The following LACTBL1 variants were observed in gnomAD, a reference collection of about 807,000 sequenced individuals.
LACTBL1 encodes beta-lactamase-like protein 1.
LACTBL1 carries 29 observed loss-of-function variants against 39.6 expected under a neutral mutation model. The ratio of observed to expected loss-of-function variants is 0.73; its 90% CI spans 0.55 to 1.00. LACTBL1 has a LOEUF of 1.00. Ranked by LOEUF, LACTBL1 falls within the 50% of genes least tolerant of loss-of-function variation. The pLI is 0.00. For missense variants in LACTBL1, 711 were observed against 748.5 expected (o/e 0.95, Z 0.59); for synonymous variants, 361 against 360.7 (o/e 1.00, Z -0.01).
In LACTBL1 at chr1:22,962,376, G is replaced by A. The variant is rs57551889; in HGVS notation, c.159+731C>T. Among the ~76,000 whole-genome samples, 37 of 152,052 alleles carry A rather than the reference G, an allele frequency of 2.4e-4. No individual in the cohort carries two copies. The East Asian group carries it at 5.2e-3, about 21-fold the overall frequency. On this transcript the variant is annotated intron_variant, in intron 2 of 5. Coordinates refer to ENST00000426928, the Ensembl canonical transcript of LACTBL1. ...TTTTGAGTCTCCCCCACCATGCTGCGGCTCATATTCTTCTGATCATGTTTC... is the reference window on the plus strand; with the variant it reads ...TTTTGAGTCTCCCCCACCATGCTGCAGCTCATATTCTTCTGATCATGTTTC...
At chr1:22,965,554 A>G (rs1570502909), upstream of LACTBL1, 1 of 331,940 alleles carries the variant, frequency 3.0e-6, no homozygotes, top group African/African-American at 2.2e-5. Context: ...CTTTGGATAA[A>G]TTTCACAGTT....
intron 1 of LACTBL1, 42 bp downstream of exon 3, chr1:22,965,248 A>AG: frequency 3.8e-6 from 5 of 1,300,504 alleles, no homozygotes; most frequent in African/African-American, 1.5e-5. Flanking sequence ...AGGAGGACCC[A>AG]GGGGGCTATG....
upstream of LACTBL1, among the ~76,000 whole-genome samples, chr1:22,966,385 A>G (rs1640876187): frequency 6.6e-6 from 1 of 152,164 alleles, no homozygotes; most frequent in African/African-American, 2.4e-5. Flanking sequence ...TCCCTTTCTC[A>G]AAGGCACATC....
chr1:22,959,860 C>G lies in LACTBL1; in HGVS notation c.317+82G>C, dbSNP rs1057409259. ...CAGATTAGACCCCAGCCATGATTCT[C>G]TTCAGTATCCTTACCTCCTAGGTCT... is the stretch of plus-strand genomic sequence containing the variant. On this transcript the variant is annotated intron_variant, in intron 3 of 5. Coordinates refer to ENST00000426928, the Ensembl canonical transcript of LACTBL1. 22 of 1,474,150 alleles carry G rather than the reference C, an allele frequency of 1.5e-5. No individual in the cohort carries two copies. In the South Asian group the frequency reaches 2.8e-4, roughly 19 times the overall value. 91.3% of individuals were successfully genotyped at this position (1,474,150 alleles called of 1,614,324 possible).
At chr1:22,960,180 T>C in intron 2 of LACTBL1, 81 bp from the exon 5 acceptor site, 3 of 1,494,104 alleles carry the variant, frequency 2.0e-6, no homozygotes, top group Non-Finnish European at 2.7e-6. Context: ...CCCTCGTCCA[T>C]AGTCACACCC....
exon 6 of LACTBL1, chr1:22,953,391 G>A: frequency 8.1e-7 from 1 of 1,228,174 alleles, no homozygotes; most frequent in Non-Finnish European, 1.0e-6. Flanking sequence ...AGGTGAAGTA[G>A]CCGGCGAAGG....
chr1:22,960,387 G>A (rs1466849751), intron 2 of LACTBL1, among the ~76,000 whole-genome samples: 3 of 152,162 alleles, frequency 2.0e-5, no homozygotes, highest in South Asian at 2.1e-4. Flanking sequence ...AAGCCAAGGC[G>A]GGCAGATCAC....
intron 4 of LACTBL1, among the ~76,000 whole-genome samples, chr1:22,958,083 C>T (rs936971418): frequency 6.6e-6 from 1 of 152,098 alleles, no homozygotes; most frequent in African/African-American, 2.4e-5. Context: ...ATTAGGTCTT[C>T]TGTGTAGAAT....
chr1:22,956,063 CAAAAAAAAAAAA>C (rs10582369), intron 4 of LACTBL1, among the ~76,000 whole-genome samples: 2 of 76,596 alleles, frequency 2.6e-5, no homozygotes, highest in African/African-American at 1.2e-4. Flanking sequence ...AACTCCATCT[CAAAAAAAAAAAA>C]AAAAAAAAGA....
exon 2 of LACTBL1, chr1:22,963,176 C>A: frequency 7.5e-7 from 1 of 1,333,004 alleles, no homozygotes; most frequent in Non-Finnish European, 9.6e-7. Flanking sequence ...GCCGGGGACA[C>A]ATCCTCACAG....
rs139051567 is a variant in LACTBL1 at position 22,955,221 on chromosome 1, C to G, written c.659+100G>C. 432 of 945,486 alleles carry G rather than the reference C, an allele frequency of 4.6e-4. 6 individuals are homozygous for G. In the African/African-American group the frequency reaches 6.1e-3, roughly 13 times the overall value. 58.6% of individuals were successfully genotyped at this position (945,486 alleles called of 1,614,324 possible). A position where few individuals can be genotyped will look rare whatever the true frequency, so the allele number is the denominator to read the frequency against. On this transcript the variant is annotated intron_variant, in intron 5 of 5. Coordinates refer to ENST00000426928, the Ensembl canonical transcript of LACTBL1. ...GCTGGGGAGCAGGTCTCTCCCGGCT[C>G]TGCCAACCTAGGATGAGGTGATGTG...
chr1:22,953,711 C>T, exon 6 of LACTBL1: 1 of 1,326,074 alleles, frequency 7.5e-7, no homozygotes, highest in Non-Finnish European at 9.6e-7. Context: ...GTCTTGGCCG[C>T]GTCGGGCCGC....
intron 1 of LACTBL1, among the ~76,000 whole-genome samples, chr1:22,964,952 C>A (rs1640862253): frequency 6.6e-6 from 1 of 152,180 alleles, no homozygotes; most frequent in African/African-American, 2.4e-5. Context: ...GGGCTGGAGC[C>A]TGGAGATTCC....
chr1:22,959,048 C>A, intron 3 of LACTBL1, 128 bp from the exon 6 acceptor site: 1 of 634,354 alleles, frequency 1.6e-6, no homozygotes. Context: ...GTCAACATCT[C>A]CAACAGAAAT....
intron 3 of LACTBL1, among the ~76,000 whole-genome samples, 180 bp from the exon 6 acceptor site, chr1:22,959,100 G>A (rs1256825967): frequency 6.6e-6 from 1 of 152,208 alleles, no homozygotes; most frequent in Admixed American, 6.5e-5. Context: ...GCTTGAGAAC[G>A]TAACCAGAAG....
chr1:22,970,821 A>C, the LACTBL1 span, among the ~76,000 whole-genome samples: 2 of 152,048 alleles, frequency 1.3e-5, no homozygotes, highest in African/African-American at 4.8e-5. Flanking sequence ...AAAAAAAAAA[A>C]AAAAAACAAC....
At chr1:22,956,307 G>A (rs1383022128) in intron 4 of LACTBL1, among the ~76,000 whole-genome samples, 2 of 152,090 alleles carry the variant, frequency 1.3e-5, no homozygotes, top group Non-Finnish European at 2.9e-5. Flanking sequence ...AGGAAGCCAG[G>A]TTGCAGTGGG....
exon 4 of LACTBL1, chr1:22,958,903 T>TTGGAGATGC (rs1640788720): frequency 6.5e-7 from 1 of 1,548,548 alleles, no homozygotes; most frequent in Non-Finnish European, 8.7e-7. Flanking sequence ...AGGAAAGATC[T>TTGGAGATGC]TGGAGATGCT....
chr1:22,967,676 CTT>C (rs529263942), upstream of LACTBL1, among the ~76,000 whole-genome samples: 184 of 152,130 alleles, frequency 1.2e-3, 1 homozygote, highest in African/African-American at 4.2e-3. Context: ...GACAGACAGA[CTT>C]ATAATGTAAT....
Sources: allele counts gnomAD v4.1 joint callset (sites outside exome capture counted in the v4.1 genomes callset), GRCh38; gene constraint gnomAD v4.1.1; transcripts MANE v1.5; gene names NCBI Gene and HGNC (gene_info 2026-07-23, HGNC 2026-07-21).